PTK2B: variants seen among roughly 807,000 people sequenced by gnomAD.
PTK2B encodes protein tyrosine kinase 2 beta.
A neutral mutation model predicts 142.9 loss-of-function variants in PTK2B; 71 were observed. The observed-to-expected ratio is 0.50, with a 90% CI of 0.41 to 0.61. The LOEUF (loss-of-function observed/expected upper bound fraction) is 0.61, where lower values mean the gene tolerates loss of function less well. Among genes scored for constraint, PTK2B ranks in the 20% least tolerant of loss-of-function variants. The pLI is 0.00. For synonymous variants in PTK2B, 519 were observed against 503.4 expected (o/e 1.03, Z -0.42); for missense variants, 1,105 against 1,320.4 (o/e 0.84, Z 2.53).
At position 27,420,657 on chromosome 8, in the gene PTK2B, G is replaced by A. The variant is rs1809687747; in HGVS notation, c.384G>A (p.Arg128=). 3 of 1,613,686 alleles carry A rather than the reference G, an allele frequency of 1.9e-6. No individual in the cohort carries two copies. Among genetic ancestry groups the A allele is most frequent in the Non-Finnish European group, 2.5e-6 (3 of 1,179,598 alleles). Residue 128 remains arginine, a splice_region_variant and synonymous_variant, in exon 4 of 31, where the codon AGG becomes AGA. Transcript: ENST00000346049. ...CCAGAGCCTGAATGTCTTGTTGCAG[G>A]TATGACCTTCAAATCCGCTACTTGC... ...YECLHVEAEW[R]YDLQIRYLPE...
At position 27,397,646 on chromosome 8, in the gene PTK2B, G is replaced by A. The variant is rs771540159; in HGVS notation, c.62G>A (p.Gly21Asp). The change falls in exon 2 of 31, where the codon GGC becomes GAC. Residue 21 changes from glycine to aspartate, a missense_variant. Gly to Asp is a moderately conservative substitution (Grantham distance 94). Transcript: ENST00000346049. ...VKLGTLRRPE[G>D]PAEPMVVVPV... ...TTGGGCACGTTACGCCGGCCTGAAG[G>A]CCCTGCAGAGCCCATGGTGGTGGTA... is the stretch of plus-strand genomic sequence containing the variant. The A allele has an allele frequency of 3.1e-6, 5 of 1,614,132 alleles. No homozygotes were observed. Among genetic ancestry groups the A allele is most frequent in the Middle Eastern group, 3.3e-4 (2 of 6,082 alleles).
Position 27,325,980 on chromosome 8 carries a change from G to C in PTK2B, c.-38+299G>C, listed in dbSNP as rs1803387241. Among the ~76,000 whole-genome samples the C allele has an allele frequency of 2.6e-5, 4 of 152,152 alleles. No homozygotes were observed. The South Asian group carries it at 8.3e-4, about 31-fold the overall frequency. On this transcript the variant is annotated intron_variant, in intron 1 of 30. Coordinates refer to ENST00000346049, the MANE Select transcript of PTK2B (RefSeq NM_173176.3). ...GGGGAGGCTGGGGGAGGCTAGGGGT[G>C]ACGGTGTGAGGGCACAGCCAGGCTG...
intron 1 of PTK2B, among the ~76,000 whole-genome samples, chr8:27,351,293 A>C (rs1586140019): frequency 6.6e-6 from 1 of 151,876 alleles, no homozygotes; most frequent in African/African-American, 2.4e-5. Context: ...TCATGGAATC[A>C]AAGAATATTA....
At chr8:27,420,203 C>A in intron 3 of PTK2B, 130 bp downstream of exon 3, 1 of 1,064,664 alleles carries the variant, frequency 9.4e-7, no homozygotes, top group Non-Finnish European at 1.4e-6. Context: ...GCATTCTAGG[C>A]TTAGTCTTCC....
At chr8:27,434,315 C>T (rs1294195835) in intron 12 of PTK2B, among the ~76,000 whole-genome samples, 183 bp downstream of exon 12, 1 of 152,174 alleles carries the variant, frequency 6.6e-6, no homozygotes, top group Non-Finnish European at 1.5e-5. Context: ...GCCTTCATGC[C>T]ACCTGGTGTT....
intron 1 of PTK2B, among the ~76,000 whole-genome samples, chr8:27,344,151 C>T (rs895740157): frequency 6.6e-6 from 1 of 152,142 alleles, no homozygotes; most frequent in African/African-American, 2.4e-5. Context: ...ACCCCTCAGC[C>T]CATGTATTTG....
intron 1 of PTK2B, among the ~76,000 whole-genome samples, chr8:27,361,611 G>GC (rs767924713): frequency 5.3e-5 from 8 of 152,132 alleles, no homozygotes; most frequent in Admixed American, 1.3e-4. Flanking sequence ...TTCAGGGAGG[G>GC]ACCTTGGATA....
chr8:27,458,455 C>T lies in PTK2B; in HGVS notation c.2976C>T (p.Asp992=), dbSNP rs145477508. ...CTGTGGACGCCAAGAACCTGCTCGA[C>T]GCTGTGGACCAGGCCAAGGTTCTGG... ...TLAVDAKNLL[D]AVDQAKVLAN... is the part of the protein sequence containing the mutation. The change falls in exon 31 of 31, where the codon GAC becomes GAT. Residue 992 remains aspartate, a synonymous_variant. Transcript: ENST00000346049. The T allele has an allele frequency of 7.3e-4, 1,173 of 1,602,916 alleles. 14 individuals are homozygous for T. The highest frequency in any genetic ancestry group is 1.0e-3 in the Middle Eastern group (6 of 5,774).
intron 20 of PTK2B, 107 bp downstream of exon 20, chr8:27,439,505 C>T: frequency 8.1e-7 from 1 of 1,227,022 alleles, no homozygotes; most frequent in Non-Finnish European, 1.2e-6. Flanking sequence ...ACCCTCCGTT[C>T]CCAGGGTTCT....
chr8:27,430,598 A>G (rs1052411107), intron 7 of PTK2B, among the ~76,000 whole-genome samples, 180 bp downstream of exon 7: 1 of 152,162 alleles, frequency 6.6e-6, no homozygotes, highest in Admixed American at 6.5e-5. Flanking sequence ...TCCAACTGTT[A>G]CATGCCTGGG....
rs1429176979 is a variant in PTK2B at position 27,458,451 on chromosome 8, T to A, written c.2972T>A (p.Leu991His). The change falls in exon 31 of 31, where the codon CTC (leucine) becomes CAC (histidine). Residue 991 changes from leucine to histidine, a missense_variant. Coordinates refer to ENST00000346049, the MANE Select transcript of PTK2B (RefSeq NM_173176.3). Reference sequence around the variant, plus strand: ...CTGGCTGTGGACGCCAAGAACCTGCTCGACGCTGTGGACCAGGCCAAGGTT... The same window carrying A: ...CTGGCTGTGGACGCCAAGAACCTGCACGACGCTGTGGACCAGGCCAAGGTT... ...HTLAVDAKNL[L>H]DAVDQAKVLA... is the part of the protein sequence containing the mutation. 2 of 1,605,046 alleles carry A rather than the reference T, an allele frequency of 1.2e-6. No homozygotes were observed. Among genetic ancestry groups the A allele is most frequent in the Non-Finnish European group, 1.7e-6 (2 of 1,175,768 alleles).
intron 10 of PTK2B, among the ~76,000 whole-genome samples, chr8:27,432,767 G>GCAGAGCGTT (rs58965391): frequency 0.46 from 69,218 of 151,474 alleles, 16,029 homozygotes; most frequent in South Asian, 0.54. Flanking sequence ...ACCTCAGGCT[G>GCAGAGCGTT]CATCTCTCTC....
chr8:27,432,852 A>C (rs1433110982), intron 10 of PTK2B, among the ~76,000 whole-genome samples: 1 of 151,642 alleles, frequency 6.6e-6, no homozygotes, highest in Non-Finnish European at 1.5e-5. Flanking sequence ...TTTTAGACAA[A>C]GTCTCACTCT....
At position 27,415,129 on chromosome 8, in the gene PTK2B, T is replaced by G. The variant is rs532776662; in HGVS notation, c.205-4766T>G. On this transcript the variant is annotated intron_variant, in intron 2 of 30. Coordinates refer to ENST00000346049, the MANE Select transcript of PTK2B (RefSeq NM_173176.3). ...TTACCTTGGGCCAAGCACCGTTCTA[T>G]GGAGTTTTATCTAATTTAATCCTCA... Among the ~76,000 whole-genome samples the G allele has an allele frequency of 1.3e-4, 20 of 152,376 alleles. 1 individual carries two copies. The highest frequency in any genetic ancestry group is 4.8e-4 in the African/African-American group (20 of 41,590).
upstream of PTK2B, among the ~76,000 whole-genome samples, chr8:27,320,979 G>GTTTTTTTTTT (rs1257774872): frequency 9.8e-4 from 32 of 32,632 alleles, no homozygotes; most frequent in South Asian, 2.5e-3. Flanking sequence ...CATACAAAAG[G>GTTTTTTTTTT]CTTTTTTTTT....
At chr8:27,393,997 A>G (rs1356272088) in intron 1 of PTK2B, among the ~76,000 whole-genome samples, 1 of 152,204 alleles carries the variant, frequency 6.6e-6, no homozygotes, top group Non-Finnish European at 1.5e-5. Context: ...GAAATGCATC[A>G]TTAGGCAGTT....
At chr8:27,457,831 C>T (rs1201255234) in intron 30 of PTK2B, among the ~76,000 whole-genome samples, 2 of 151,996 alleles carry the variant, frequency 1.3e-5, no homozygotes, top group African/African-American at 4.8e-5. Context: ...AAAAATTAGC[C>T]AGGCGTAATT....
At chr8:27,338,580 A>T (rs1804217209) in intron 1 of PTK2B, among the ~76,000 whole-genome samples, 1 of 152,210 alleles carries the variant, frequency 6.6e-6, no homozygotes, top group Non-Finnish European at 1.5e-5. Context: ...AAAATTGCTG[A>T]ATCTATATTA....
intron 1 of PTK2B, among the ~76,000 whole-genome samples, chr8:27,345,925 C>T (rs1804684587): frequency 6.6e-6 from 1 of 152,140 alleles, no homozygotes; most frequent in African/African-American, 2.4e-5. Context: ...GAGATGCTCA[C>T]ACCACTGGCT....
Sources: allele counts gnomAD v4.1 joint callset (sites outside exome capture counted in the v4.1 genomes callset), GRCh38; gene constraint gnomAD v4.1.1; transcripts MANE v1.5; gene names NCBI Gene and HGNC (gene_info 2026-07-23, HGNC 2026-07-21).